Variants in NBEA observed in about 807,000 individuals in gnomAD.
NBEA encodes lysosomal-trafficking regulator 2.
A neutral mutation model predicts 343.4 loss-of-function variants in NBEA; 44 were observed. The ratio of observed to expected loss-of-function variants is 0.13; its 90% CI spans 0.10 to 0.16. The LOEUF (loss-of-function observed/expected upper bound fraction) is 0.16, where lower values mean the gene tolerates loss of function less well. Ranked by LOEUF, NBEA falls within the 10% of genes least tolerant of loss-of-function variation. NBEA has a pLI of 1.00. For missense variants in NBEA, 2,555 were observed against 3,631.3 expected, an observed-to-expected ratio of 0.70 and a Z score of 7.62; for synonymous variants, 1,175 against 1,238.7, an observed-to-expected ratio of 0.95 and a Z score of 1.08.
intron 33 of NBEA, among the ~76,000 whole-genome samples, chr13:35,213,805 G>C (rs932152681): frequency 6.6e-6 from 1 of 151,802 alleles, no homozygotes; most frequent in Admixed American, 6.6e-5. Context: ...ACATTTTAAT[G>C]AGTTTTGATT....
At chr13:35,330,673 G>T (rs1052939854) in intron 36 of NBEA, among the ~76,000 whole-genome samples, 2 of 151,942 alleles carry the variant, frequency 1.3e-5, no homozygotes, top group Non-Finnish European at 2.9e-5. Flanking sequence ...ACGTAGTTAG[G>T]TCTGATTGTA....
Position 35,045,291 on chromosome 13 carries a change from T to C in NBEA, c.628-15T>C. The C allele has an allele frequency of 6.3e-7, 1 of 1,587,674 alleles. No homozygotes were observed. The highest frequency in any genetic ancestry group is 8.6e-7 in the Non-Finnish European group (1 of 1,162,404). On this transcript the variant is annotated splice_polypyrimidine_tract_variant and intron_variant, in intron 3 of 58. Transcript: ENST00000379939. ...ATTTGTACAATGACATTTCTTTCTTTTATTGTTTCCCCAGCCAAGACATGC... is the reference window on the plus strand; with the variant it reads ...ATTTGTACAATGACATTTCTTTCTTCTATTGTTTCCCCAGCCAAGACATGC...
rs368828360 is a variant in NBEA, at chr13:35,202,018, T to G, written c.5366+5716T>G. On this transcript the variant is annotated intron_variant, in intron 31 of 58. Transcript: ENST00000379939. ...TTGTTATTTATATAATAAAGGAGGA[T>G]TATTTTAGTTTGGAATAGAAAGTCC... Among the ~76,000 whole-genome samples, 57 of 152,234 alleles carry G rather than the reference T, an allele frequency of 3.7e-4. 1 individual carries two copies. In the East Asian group the frequency reaches 0.011, roughly 29 times the overall value.
chr13:35,009,439 A>G (rs545139380), intron 1 of NBEA, among the ~76,000 whole-genome samples: 1 of 152,262 alleles, frequency 6.6e-6, no homozygotes, highest in South Asian at 2.1e-4. Context: ...GAGTTAACTG[A>G]AGGGAGAGAG....
intron 13 of NBEA, among the ~76,000 whole-genome samples, chr13:35,111,648 G>A (rs1189989785): frequency 6.6e-6 from 1 of 151,904 alleles, no homozygotes; most frequent in Non-Finnish European, 1.5e-5. Context: ...GTAAGGGGAT[G>A]TACCATTTAC....
chr13:34,961,305 G>T (rs530838938), intron 1 of NBEA, among the ~76,000 whole-genome samples: 15 of 152,026 alleles, frequency 9.9e-5, no homozygotes, highest in Middle Eastern at 3.4e-3. Flanking sequence ...TAAAAGTTTT[G>T]CTTTATATTA....
At chr13:35,385,460 G>T (rs2042202752) in intron 38 of NBEA, among the ~76,000 whole-genome samples, 1 of 152,118 alleles carries the variant, frequency 6.6e-6, no homozygotes, top group Non-Finnish European at 1.5e-5. Context: ...AAAGCTTTGG[G>T]AGTGCAGAGT....
chr13:35,500,042 G>C (rs963638845), intron 41 of NBEA, among the ~76,000 whole-genome samples: 1 of 152,002 alleles, frequency 6.6e-6, no homozygotes, highest in East Asian at 1.9e-4. Flanking sequence ...TGGGTCAAGC[G>C]TACTCTGAAG....
chr13:35,200,810 G>A (rs2072969290), intron 31 of NBEA, among the ~76,000 whole-genome samples: 1 of 151,938 alleles, frequency 6.6e-6, no homozygotes. Context: ...TGAAGTATAA[G>A]CTTGAGCTAG....
rs573078879 is a variant in NBEA, at chr13:35,283,853, A to G, written c.5777-6536A>G. Among the ~76,000 whole-genome samples the G allele has an allele frequency of 5.3e-5, 8 of 152,288 alleles. No homozygotes were observed. The South Asian group carries it at 1.0e-3, about 20-fold the overall frequency. On this transcript the variant is annotated intron_variant, in intron 34 of 58. Coordinates refer to ENST00000379939, the MANE Select transcript of NBEA (RefSeq NM_001385012.1). ...TTTTTGGGTTTCAGAATTGTAAAGT[A>G]TCATGGATGTACAGCTGAAATAATT...
At chr13:35,246,431 T>C (rs2031198397) in intron 34 of NBEA, among the ~76,000 whole-genome samples, 1 of 152,164 alleles carries the variant, frequency 6.6e-6, no homozygotes, top group Non-Finnish European at 1.5e-5. Context: ...AGAGGGAAGA[T>C]CTGGGGCTCA....
chr13:35,626,098 C>T (rs1679639518), intron 48 of NBEA, among the ~76,000 whole-genome samples: 1 of 152,106 alleles, frequency 6.6e-6, no homozygotes, highest in Non-Finnish European at 1.5e-5. Flanking sequence ...GGGCTAGTCA[C>T]ACAGTGACAC....
intron 44 of NBEA, among the ~76,000 whole-genome samples, chr13:35,558,483 G>A (rs2079690970): frequency 6.6e-6 from 1 of 152,156 alleles, no homozygotes; most frequent in Non-Finnish European, 1.5e-5. Context: ...GTGAGGTGAA[G>A]ATTTTGGATG....
At chr13:35,314,052 A>G (rs1462482201) in intron 36 of NBEA, among the ~76,000 whole-genome samples, 8 of 152,140 alleles carry the variant, frequency 5.3e-5, no homozygotes, top group Non-Finnish European at 1.0e-4. Context: ...GGGTGCATTG[A>G]GATAGAAGGA....
intron 41 of NBEA, among the ~76,000 whole-genome samples, chr13:35,520,695 A>G (rs1459911623): frequency 6.6e-6 from 1 of 152,154 alleles, no homozygotes; most frequent in African/African-American, 2.4e-5. Context: ...ACTATTATAG[A>G]TTACTTTCAC....
chr13:35,547,954 T>C (rs958735964), intron 41 of NBEA, among the ~76,000 whole-genome samples: 6 of 152,010 alleles, frequency 3.9e-5, no homozygotes, highest in Non-Finnish European at 7.4e-5. Context: ...AACACTCTGC[T>C]ACAGAACGGC....
chr13:35,431,135 T>A (rs78075550), intron 38 of NBEA, among the ~76,000 whole-genome samples: 3,885 of 152,166 alleles, frequency 0.026, 188 homozygotes, highest in African/African-American at 0.09. Context: ...ACGTTTTCAT[T>A]AATACAATGA....
chr13:35,234,489 G>T lies in NBEA; in HGVS notation c.5776+1870G>T, dbSNP rs142968724. 4.3e-3 allele frequency among the ~76,000 whole-genome samples: 654 copies of T among 152,212 alleles called. 5 individuals are homozygous for T. Among genetic ancestry groups the T allele is most frequent in the African/African-American group, 0.015 (615 of 41,532 alleles). On this transcript the variant is annotated intron_variant, in intron 34 of 58. Transcript: ENST00000379939. ...CCTCATGGAGTTTGCAGTCTAATGAGCAAAGAGACATAAAAACCAATAATT... is the reference window on the plus strand; with the variant it reads ...CCTCATGGAGTTTGCAGTCTAATGATCAAAGAGACATAAAAACCAATAATT...
intron 51 of NBEA, among the ~76,000 whole-genome samples, chr13:35,647,627 C>T (rs1233375525): frequency 6.6e-6 from 1 of 152,066 alleles, no homozygotes. Flanking sequence ...AGTGCAGTGG[C>T]GCAATCTCAG....
Sources: allele counts gnomAD v4.1 joint callset (sites outside exome capture counted in the v4.1 genomes callset), GRCh38; gene constraint gnomAD v4.1.1; transcripts MANE v1.5; gene names NCBI Gene and HGNC (gene_info 2026-07-23, HGNC 2026-07-21).